The following BABAM2 variants were observed in gnomAD, a reference collection of about 807,000 sequenced individuals.
The protein encoded by BABAM2 is BRISC and BRCA1-A complex member 2.
Under a neutral mutation model 54.7 loss-of-function variants are expected in BABAM2, and 31 were observed. The observed-to-expected ratio is 0.57, with a 90% CI of 0.43 to 0.77. The LOEUF (loss-of-function observed/expected upper bound fraction) is 0.77. BABAM2 is among the 30% of genes least tolerant of loss of function. The pLI is 0.00. For synonymous variants in BABAM2, 167 were observed against 162.9 expected, an observed-to-expected ratio of 1.03 and a Z score of -0.19; for missense variants, 364 against 455.8, an observed-to-expected ratio of 0.80 and a Z score of 1.83.
At position 28,007,697 on chromosome 2, in the gene BABAM2, A is replaced by G. The variant is rs1021460191; in HGVS notation, c.301-17529A>G. Among the ~76,000 whole-genome samples, 3 of 152,234 alleles carry G rather than the reference A, an allele frequency of 2.0e-5. No individual in the cohort carries two copies. In the East Asian group the frequency reaches 5.8e-4, roughly 29 times the overall value. On this transcript the variant is annotated intron_variant, in intron 4 of 11. Transcript: ENST00000379624. Reference sequence around the variant, plus strand: ...TTGTCTATTGAGCCATAATAATTTCATTTCATTTTTATAACTATTTTTACT... The same window carrying G: ...TTGTCTATTGAGCCATAATAATTTCGTTTCATTTTTATAACTATTTTTACT...
At chr2:28,021,587 A>C (rs189659294) in intron 4 of BABAM2, among the ~76,000 whole-genome samples, 4 of 152,358 alleles carry the variant, frequency 2.6e-5, no homozygotes, top group Admixed American at 1.3e-4. Context: ...ATGGGCTTGC[A>C]TACTTTTCAT....
intron 6 of BABAM2, among the ~76,000 whole-genome samples, chr2:28,097,381 T>A (rs1245343034): frequency 6.6e-6 from 1 of 152,228 alleles, no homozygotes; most frequent in African/African-American, 2.4e-5. Flanking sequence ...CCTGGCCTAA[T>A]TGCATTTTTA....
Position 28,281,554 on chromosome 2 carries a change from C to CA in BABAM2, c.935-16781dup, listed in dbSNP as rs1686363209. The stretch of plus-strand genomic sequence containing the variant: ...TGGAAGCAGCAGAATGAAGAGTACT[C>CA]AAAGTGACTCAAAGGTTTTGCATTT... On this transcript the variant is annotated intron_variant, in intron 10 of 11. Coordinates refer to ENST00000379624, the MANE Select transcript of BABAM2 (RefSeq NM_199191.3). Among the ~76,000 whole-genome samples, 4 of 152,218 alleles carry CA rather than the reference C, an allele frequency of 2.6e-5. No homozygotes were observed. In the East Asian group the frequency reaches 7.7e-4, roughly 29 times the overall value.
intron 2 of BABAM2, among the ~76,000 whole-genome samples, chr2:27,929,092 C>T (rs1454984655): frequency 6.7e-6 from 1 of 148,954 alleles, no homozygotes; most frequent in African/African-American, 2.5e-5. Flanking sequence ...GTGGTGTGCA[C>T]CTGTGGTCCC....
At chr2:28,327,160 A>C in intron 11 of BABAM2, 1 of 1,116,498 alleles carries the variant, frequency 9.0e-7, no homozygotes, top group African/African-American at 1.6e-5. Flanking sequence ...CCAGAGAAAG[A>C]AGCTGGTCCC....
In BABAM2 at chr2:28,254,711, A is replaced by G. The variant is rs146756475; in HGVS notation, c.934+9849A>G. Among the ~76,000 whole-genome samples, 5 of 150,398 alleles carry G rather than the reference A, an allele frequency of 3.3e-5. No homozygotes were observed. The East Asian group carries it at 7.8e-4, about 23-fold the overall frequency. On this transcript the variant is annotated intron_variant, in intron 10 of 11. Coordinates refer to ENST00000379624, the MANE Select transcript of BABAM2 (RefSeq NM_199191.3). Reference sequence around the variant, plus strand: ...ATACCTCACTATGTATCTCTAACAGATAAGGATTTTTTTTCAATTTTTTTT... The same window carrying G: ...ATACCTCACTATGTATCTCTAACAGGTAAGGATTTTTTTTCAATTTTTTTT...
chr2:28,189,999 G>A (rs1012615780), intron 7 of BABAM2, among the ~76,000 whole-genome samples: 1 of 152,146 alleles, frequency 6.6e-6, no homozygotes, highest in East Asian at 1.9e-4. Flanking sequence ...CACATCTATA[G>A]ACATTCAGTT....
intron 10 of BABAM2, among the ~76,000 whole-genome samples, chr2:28,279,768 C>T (rs1168607707): frequency 3.3e-5 from 5 of 149,296 alleles, no homozygotes; most frequent in Admixed American, 6.8e-5. Flanking sequence ...TGGATTCAAG[C>T]GATTCTCCTG....
At chr2:28,206,580 C>T (rs1424048984) in intron 7 of BABAM2, among the ~76,000 whole-genome samples, 3 of 152,158 alleles carry the variant, frequency 2.0e-5, no homozygotes, top group African/African-American at 7.2e-5. Context: ...CCCACCAGTG[C>T]TCCACTCACC....
At chr2:28,238,004 C>G (rs1682071168) in intron 8 of BABAM2, among the ~76,000 whole-genome samples, 1 of 152,142 alleles carries the variant, frequency 6.6e-6, no homozygotes, top group Non-Finnish European at 1.5e-5. Context: ...CACCCGCCAC[C>G]AGGCCTGGCT....
At chr2:28,039,357 A>G (rs544655370) in intron 5 of BABAM2, among the ~76,000 whole-genome samples, 3 of 152,380 alleles carry the variant, frequency 2.0e-5, no homozygotes, top group Admixed American at 6.5e-5. Context: ...TATCTTAGAA[A>G]ACATTTTGTA....
chr2:28,315,888 A>G (rs1038220744), intron 11 of BABAM2, among the ~76,000 whole-genome samples: 1 of 152,112 alleles, frequency 6.6e-6, no homozygotes, highest in African/African-American at 2.4e-5. Flanking sequence ...CCTTGGAAAT[A>G]TTAATAAACA....
At chr2:27,994,019 T>G (rs1210778621) in intron 4 of BABAM2, among the ~76,000 whole-genome samples, 2 of 152,236 alleles carry the variant, frequency 1.3e-5, no homozygotes, top group East Asian at 3.8e-4. Flanking sequence ...CACTTTTAAG[T>G]GCCTTGGCCT....
At chr2:28,228,693 T>C (rs966673987) in intron 7 of BABAM2, among the ~76,000 whole-genome samples, 2 of 152,196 alleles carry the variant, frequency 1.3e-5, no homozygotes, top group African/African-American at 4.8e-5. Flanking sequence ...ACCCTTTTCG[T>C]GTCTTGAGTG....
chr2:27,984,799 A>G (rs1220008481), intron 3 of BABAM2, among the ~76,000 whole-genome samples: 1 of 151,940 alleles, frequency 6.6e-6, no homozygotes, highest in African/African-American at 2.4e-5. Flanking sequence ...CCATCACCAG[A>G]GTAGTGTAGA....
intron 6 of BABAM2, among the ~76,000 whole-genome samples, chr2:28,059,313 T>A (rs1678679864): frequency 6.6e-6 from 1 of 152,214 alleles, no homozygotes; most frequent in African/African-American, 2.4e-5. Context: ...TTTCTGAAGA[T>A]CCATTTTCTT....
At chr2:28,305,963 C>T (rs1253622190) in intron 11 of BABAM2, among the ~76,000 whole-genome samples, 1 of 151,828 alleles carries the variant, frequency 6.6e-6, no homozygotes, top group African/African-American at 2.4e-5. Flanking sequence ...TTTCTGATTT[C>T]CCTTGTGATT....
intron 4 of BABAM2, among the ~76,000 whole-genome samples, chr2:28,017,695 CCTAGGCAACCA>C (rs1185422618): frequency 6.6e-6 from 1 of 152,180 alleles, no homozygotes; most frequent in Admixed American, 6.5e-5. Context: ...AGTCTCCAGC[CCTAGGCAACCA>C]CTAATTTACA....
intron 6 of BABAM2, among the ~76,000 whole-genome samples, chr2:28,092,959 G>A (rs886772138): frequency 6.6e-6 from 1 of 151,952 alleles, no homozygotes; most frequent in African/African-American, 2.4e-5. Flanking sequence ...CCCTTTTGCT[G>A]GTGTTATCTT....
Sources: gnomAD v4.1 joint callset for allele counts (sites outside exome capture counted in the v4.1 genomes callset) on GRCh38, gnomAD v4.1.1 for gene constraint, MANE v1.5 for transcripts, NCBI Gene and HGNC (gene_info 2026-07-23, HGNC 2026-07-21) for gene names.